Variants in UGT1A8 observed in about 807,000 individuals in gnomAD.
UGT1A8 encodes the protein UDP glucuronosyltransferase family 1 member A8.
In UGT1A8, 39 loss-of-function variants were observed where a neutral mutation model predicts 45.3. The ratio of observed to expected loss-of-function variants is 0.86; its 90% CI spans 0.67 to 1.12. The LOEUF (loss-of-function observed/expected upper bound fraction) is 1.12, where lower values mean the gene tolerates loss of function less well. Ranked by LOEUF, UGT1A8 falls within the 50% of genes most tolerant of loss-of-function variation. UGT1A8 has a pLI of 0.00. For synonymous variants in UGT1A8, 275 were observed against 249.2 expected (o/e 1.10, Z -0.97); for missense variants, 719 against 664.9 (o/e 1.08, Z -0.90).
chr2:233,634,140 G>A (rs1488257391), intron 1 of UGT1A8, among the ~76,000 whole-genome samples: 2 of 152,116 alleles, frequency 1.3e-5, no homozygotes, highest in East Asian at 1.9e-4. Context: ...TCTTAATCCC[G>A]AGTTCTAATT....
chr2:233,729,379 A>C, intron 1 of UGT1A8: 1 of 1,613,990 alleles, frequency 6.2e-7, no homozygotes, highest in South Asian at 1.1e-5. Context: ...CATTTCGTGG[A>C]CCCAGGATGA....
intron 1 of UGT1A8, chr2:233,722,151 A>G (rs1415241636): frequency 2.5e-5 from 4 of 162,020 alleles, no homozygotes; most frequent in African/African-American, 9.6e-5. Flanking sequence ...CTGCAGGACA[A>G]GATGTGTCAC....
intron 1 of UGT1A8, chr2:233,647,950 T>C: frequency 6.2e-7 from 1 of 1,606,728 alleles, no homozygotes; most frequent in South Asian, 1.1e-5. Context: ...GAGCCACTGG[T>C]TCACCATGTG....
intron 1 of UGT1A8, among the ~76,000 whole-genome samples, chr2:233,717,364 C>CA (rs1417907473): frequency 6.6e-6 from 1 of 152,218 alleles, no homozygotes; most frequent in Admixed American, 6.5e-5. Flanking sequence ...GGGGAGTTCT[C>CA]AAGCCCTTAC....
chr2:233,730,006 G>A (rs1262951640), intron 1 of UGT1A8: 11 of 1,613,746 alleles, frequency 6.8e-6, no homozygotes, highest in Non-Finnish European at 9.3e-6. Context: ...CTGTATTGGT[G>A]CCTTCATCCA....
At chr2:233,638,782 G>A (rs909303532) in intron 1 of UGT1A8, among the ~76,000 whole-genome samples, 4 of 151,848 alleles carry the variant, frequency 2.6e-5, no homozygotes, top group South Asian at 4.2e-4. Context: ...AAGAGTGACC[G>A]TTCAGCCATC....
chr2:233,621,210 T>A (rs1027705060), intron 1 of UGT1A8, among the ~76,000 whole-genome samples: 1 of 152,200 alleles, frequency 6.6e-6, no homozygotes, highest in Non-Finnish European at 1.5e-5. Context: ...ATGGTCATTG[T>A]TTTACATTTC....
At chr2:233,652,579 A>T (rs1446438787) in intron 1 of UGT1A8, among the ~76,000 whole-genome samples, 1 of 152,196 alleles carries the variant, frequency 6.6e-6, no homozygotes, top group East Asian at 1.9e-4. Context: ...CTCACTCATA[A>T]TGCATAATGA....
chr2:233,706,644 G>A (rs908967467), intron 1 of UGT1A8, among the ~76,000 whole-genome samples: 2 of 152,156 alleles, frequency 1.3e-5, no homozygotes, highest in African/African-American at 4.8e-5. Context: ...CTGTGTCTGT[G>A]CCCCATCACT....
At chr2:233,760,137 C>G (rs1317655516) in intron 1 of UGT1A8, 2 of 1,403,084 alleles carry the variant, frequency 1.4e-6, no homozygotes, top group Non-Finnish European at 1.9e-6. Context: ...TTCTTTATCT[C>G]TGAAAGTGAA....
rs61214531 is a variant in UGT1A8 at position 233,626,307 on chromosome 2, A to AT, written c.855+7755dup. 1.0e-3 allele frequency among the ~76,000 whole-genome samples: 155 copies of AT among 148,588 alleles called. 3 individuals are homozygous for AT. The Middle Eastern group carries it at 0.014, about 13-fold the overall frequency. On this transcript the variant is annotated intron_variant, in intron 1 of 4. Coordinates refer to ENST00000373450, the MANE Select transcript of UGT1A8 (RefSeq NM_019076.5). ...CATGAGGCTTGTATTGTGTAAGGCCATTTTTTTTTTCTGGCACTGCTTCTT... is the reference window on the plus strand; with the variant it reads ...CATGAGGCTTGTATTGTGTAAGGCCATTTTTTTTTTTCTGGCACTGCTTCTT...
intron 1 of UGT1A8, chr2:233,718,949 C>T: frequency 1.9e-6 from 3 of 1,614,166 alleles, no homozygotes; most frequent in Non-Finnish European, 2.5e-6. Context: ...CCTGGCTCAG[C>T]ATGCGGGAGG....
chr2:233,634,427 T>C (rs1183115863), intron 1 of UGT1A8, among the ~76,000 whole-genome samples: 2 of 152,150 alleles, frequency 1.3e-5, no homozygotes, highest in Non-Finnish European at 2.9e-5. Flanking sequence ...TCTCCCACTA[T>C]TATTGTATGG....
At chr2:233,665,864 A>G (rs187395786) in intron 1 of UGT1A8, among the ~76,000 whole-genome samples, 75 of 152,322 alleles carry the variant, frequency 4.9e-4, no homozygotes, top group African/African-American at 1.7e-3. Context: ...TTGCCAGACA[A>G]TATTTACAAG....
At chr2:233,630,167 C>G (rs1454502150) in intron 1 of UGT1A8, among the ~76,000 whole-genome samples, 1 of 151,982 alleles carries the variant, frequency 6.6e-6, no homozygotes, top group Non-Finnish European at 1.5e-5. Flanking sequence ...GATTTCTGTT[C>G]TGAAGTAAGC....
intron 1 of UGT1A8, chr2:233,713,548 A>G (rs1398367800): frequency 6.8e-6 from 11 of 1,613,866 alleles, no homozygotes; most frequent in Admixed American, 1.7e-5. Flanking sequence ...AAGGGCACAC[A>G]GTGTCCAAAC....
chr2:233,760,472 C>G lies in UGT1A8; in HGVS notation c.856-6562C>G, dbSNP rs1344623676. 2 of 1,614,230 alleles carry G rather than the reference C, an allele frequency of 1.2e-6. No individual in the cohort carries two copies. The highest frequency in any genetic ancestry group is 1.7e-6 in the Non-Finnish European group (2 of 1,180,034). ...GGACATGAAATAGTTGTCCTAGCACCTGACGCCTCGTTGTACATCAGAGAC... is the reference window on the plus strand; with the variant it reads ...GGACATGAAATAGTTGTCCTAGCACGTGACGCCTCGTTGTACATCAGAGAC... On this transcript the variant is annotated intron_variant, in intron 1 of 4. Coordinates refer to ENST00000373450, the MANE Select transcript of UGT1A8 (RefSeq NM_019076.5).
intron 1 of UGT1A8, among the ~76,000 whole-genome samples, chr2:233,748,555 G>A (rs1257442595): frequency 2.6e-5 from 4 of 151,888 alleles, no homozygotes; most frequent in South Asian, 2.1e-4. Flanking sequence ...CTAAGCACTC[G>A]CAGGAAGTAG....
intron 1 of UGT1A8, among the ~76,000 whole-genome samples, chr2:233,635,659 G>T (rs922301661): frequency 6.6e-6 from 1 of 150,702 alleles, no homozygotes; most frequent in African/African-American, 2.5e-5. Flanking sequence ...GTGAAAGAAG[G>T]GTAAAAACAC....
Sources: allele counts gnomAD v4.1 joint callset (sites outside exome capture counted in the v4.1 genomes callset), GRCh38; gene constraint gnomAD v4.1.1; transcripts MANE v1.5; gene names NCBI Gene and HGNC (gene_info 2026-07-23, HGNC 2026-07-21).